ENO3: variants seen among roughly 807,000 people sequenced by gnomAD.
ENO3 encodes the protein beta-enolase.
Under a neutral mutation model 47.7 loss-of-function variants are expected in ENO3, and 46 were observed. That is an observed-to-expected ratio of 0.96 (90% CI 0.76 to 1.23). The LOEUF is 1.23. Among genes scored for constraint, ENO3 ranks in the 50% most tolerant of loss-of-function variants. The pLI is 0.00. For synonymous variants in ENO3, 223 were observed against 225.9 expected (o/e 0.99, Z 0.11); for missense variants, 575 against 566.2 (o/e 1.02, Z -0.16).
Position 4,956,001 on chromosome 17 carries a change from T to TCGGG in ENO3, c.926_929dup (p.Val311GlyfsTer10), listed in dbSNP as rs751624358. 133 of 1,614,006 alleles carry TCGGG rather than the reference T, an allele frequency of 8.2e-5. No homozygotes were observed. Among genetic ancestry groups the TCGGG allele is most frequent in the Non-Finnish European group, 1.0e-4 (123 of 1,179,986 alleles). ...CTGGGCCACTTGGACCTCCTTCCTC[T>TCGGG]CGGGGGTGAACATCCAGATTGTGGG... On this transcript the variant is annotated frameshift_variant, in exon 9 of 12. Coordinates refer to ENST00000519602, the MANE Select transcript of ENO3 (RefSeq NM_053013.4). LOFTEE classifies it high-confidence loss of function.
Position 4,955,195 on chromosome 17 carries a change from T to C in ENO3, c.565T>C (p.Tyr189His). Reference protein sequence around the residue: ...KEAMRIGAEVYHHLKGVIKAK... With the variant: ...KEAMRIGAEVHHHLKGVIKAK... ...AGCCATGCGCATTGGCGCCGAGGTC[T>C]ACCACCACCTCAAGGGGGTCATCAA... The change falls in exon 7 of 12, where the codon TAC becomes CAC. Residue 189 changes from tyrosine (Y) to histidine (H), a missense_variant. Physicochemically the swap from Tyr to His is moderately conservative, Grantham distance 83. Coordinates refer to ENST00000519602, the MANE Select transcript of ENO3 (RefSeq NM_053013.4). 1 of 1,614,224 alleles carries C rather than the reference T, an allele frequency of 6.2e-7. No individual in the cohort carries two copies. The highest frequency in any genetic ancestry group is 8.5e-7 in the Non-Finnish European group (1 of 1,180,034).
chr17:4,956,408 C>G (rs562763552), intron 9 of ENO3, 165 bp from the exon 10 acceptor site: 2 of 787,292 alleles, frequency 2.5e-6, no homozygotes, highest in East Asian at 5.2e-5. Context: ...CTCAAGAGCC[C>G]GAAATCAAGA....
At chr17:4,949,526 G>T (rs990893851), upstream of ENO3, among the ~76,000 whole-genome samples, 1 of 152,186 alleles carries the variant, frequency 6.6e-6, no homozygotes, top group African/African-American at 2.4e-5. Flanking sequence ...TTGCAAGAGT[G>T]GCAACTTTTT....
chr17:4,950,564 CGCTG>C (rs1177252064), upstream of ENO3: 1 of 985,350 alleles, frequency 1.0e-6, no homozygotes, highest in Non-Finnish European at 1.2e-6. Flanking sequence ...CTCATCCCGG[CGCTG>C]GCTGGCCTGG....
Position 4,953,839 on chromosome 17 carries a change from A to G in ENO3, c.438A>G (p.Pro146=). The G allele has an allele frequency of 1.2e-6, 2 of 1,614,088 alleles. No individual in the cohort carries two copies. The highest frequency in any genetic ancestry group is 1.7e-6 in the Non-Finnish European group (2 of 1,180,000). ...DLAGNPDLIL[P]VPAFNVINGG... ...CTGGGAACCCTGACCTCATACTCCCAGTGCCAGTGAGTGCAGCTACCCGCC... is the reference window on the plus strand; with the variant it reads ...CTGGGAACCCTGACCTCATACTCCCGGTGCCAGTGAGTGCAGCTACCCGCC... Residue 146 remains proline (P), a synonymous_variant, in exon 6 of 12, where the codon CCA becomes CCG. Coordinates refer to ENST00000519602, the MANE Select transcript of ENO3 (RefSeq NM_053013.4).
At chr17:4,949,693 C>T (rs1037895222), upstream of ENO3, among the ~76,000 whole-genome samples, 1 of 152,118 alleles carries the variant, frequency 6.6e-6, no homozygotes, top group Non-Finnish European at 1.5e-5. Context: ...GGGCGGCTTC[C>T]GGAGCCTGGG....
intron 5 of ENO3, 35 bp downstream of exon 5, chr17:4,953,376 G>T: frequency 5.6e-6 from 9 of 1,613,970 alleles, no homozygotes; most frequent in Non-Finnish European, 7.6e-6. Flanking sequence ...AAGGGATGAG[G>T]TGTGGGAGAG....
intron 1 of ENO3, chr17:4,951,613 A>G: frequency 1.8e-6 from 1 of 565,636 alleles, no homozygotes; most frequent in Non-Finnish European, 3.2e-6. Context: ...TATAGATAAG[A>G]GGCCCCTGGA....
chr17:4,950,628 G>A, upstream of ENO3: 8 of 985,558 alleles, frequency 8.1e-6, no homozygotes, highest in Non-Finnish European at 9.6e-6. Context: ...AGGACCCTAA[G>A]AGGTGAGACC....
At chr17:4,956,351 C>G in intron 9 of ENO3, 1 of 730,004 alleles carries the variant, frequency 1.4e-6, no homozygotes, top group Non-Finnish European at 2.3e-6. Context: ...CCCCCCACCC[C>G]CAGCCCACAC....
rs1168835782 is a variant in ENO3, at chr17:4,957,104, C to G, written c.*57C>G. 3.7e-6 allele frequency: 6 copies of G among 1,604,376 alleles called. No homozygotes were observed. Among genetic ancestry groups the G allele is most frequent in the Non-Finnish European group, 5.1e-6 (6 of 1,172,802 alleles). ...GACCCAGGTCTTCCAGACCTGCTTC[C>G]TGAAATAAACACTGGTGCCAACCAA... On this transcript the variant is annotated 3_prime_UTR_variant, in exon 12 of 12. Transcript: ENST00000519602.
At chr17:4,954,093 A>G (rs955537350) in intron 6 of ENO3, 1 of 609,656 alleles carries the variant, frequency 1.6e-6, no homozygotes, top group South Asian at 1.9e-5. Context: ...CCTAGGCTCG[A>G]TAACTCCAGC....
intron 1 of ENO3, among the ~76,000 whole-genome samples, chr17:4,951,517 C>T (rs1200363845): frequency 6.6e-6 from 1 of 152,072 alleles, no homozygotes; most frequent in Non-Finnish European, 1.5e-5. Context: ...GGAGAACAGA[C>T]TGCTTGACCA....
upstream of ENO3, chr17:4,950,501 C>T: frequency 3.2e-6 from 3 of 937,426 alleles, no homozygotes; most frequent in Non-Finnish European, 2.5e-6. Flanking sequence ...CGTTATCAGT[C>T]GGGCGCCTTG....
chr17:4,953,830 CAT>C lies in ENO3; in HGVS notation c.431_432del (p.Ile144ThrfsTer65). 6.2e-7 allele frequency: 1 copy of C among 1,614,198 alleles called. No homozygotes were observed. Among genetic ancestry groups the C allele is most frequent in the South Asian group, 1.1e-5 (1 of 91,082 alleles). On this transcript the variant is annotated frameshift_variant, in exon 6 of 12. Coordinates refer to ENST00000519602, the MANE Select transcript of ENO3 (RefSeq NM_053013.4). LOFTEE classifies it high-confidence loss of function. ...CAGATCTCGCTGGGAACCCTGACCT[CAT>C]ACTCCCAGTGCCAGTGAGTGCAGCT... ...IADLAGNPDL[I>X]LPVPAFNVIN...
chr17:4,951,033 G>C (rs974157754), upstream of ENO3: 7 of 986,220 alleles, frequency 7.1e-6, no homozygotes, highest in African/African-American at 1.7e-5. Flanking sequence ...CAGTGTGAAG[G>C]GGGGAGGATG....
In ENO3 at chr17:4,957,006, A is replaced by G. The variant is rs752902487; in HGVS notation, c.1264A>G (p.Ile422Val). Residue 422 changes from isoleucine (I) to valine (V), a missense_variant, in exon 12 of 12, where the codon ATC becomes GTC. Ile to Val is a conservative substitution (Grantham distance 29). Coordinates refer to ENST00000519602, the MANE Select transcript of ENO3 (RefSeq NM_053013.4). ...RIEEALGDKA[I>V]FAGRKFRNPK... Reference sequence around the variant, plus strand: ...CGAGGAGGCTCTTGGGGACAAGGCAATCTTTGCTGGACGCAAGTTCCGTAA... The same window carrying G: ...CGAGGAGGCTCTTGGGGACAAGGCAGTCTTTGCTGGACGCAAGTTCCGTAA... 1.9e-6 allele frequency: 3 copies of G among 1,614,080 alleles called. No homozygotes were observed. The highest frequency in any genetic ancestry group is 2.2e-5 in the East Asian group (1 of 44,898).
Position 4,957,045 on chromosome 17 carries a change from T to C in ENO3, c.1303T>C (p.Ter435ArgextTer20), listed in dbSNP as rs1971761883. Residue 435 changes from the stop codon to arginine, a stop_lost, in exon 12 of 12, where the codon TGA (stop) becomes CGA (arginine). Transcript: ENST00000519602. Reference sequence around the variant, plus strand: ...CAAGTTCCGTAACCCGAAGGCCAAGTGAGAAGCTGGAGGCTCCAGGACTCC... The same window carrying C: ...CAAGTTCCGTAACCCGAAGGCCAAGCGAGAAGCTGGAGGCTCCAGGACTCC... ...GRKFRNPKAK[*>R] The C allele has an allele frequency of 6.2e-7, 1 of 1,614,018 alleles. No individual in the cohort carries two copies. The highest frequency in any genetic ancestry group is 8.5e-7 in the Non-Finnish European group (1 of 1,179,998).
chr17:4,954,730 T>C (rs1252944161), intron 6 of ENO3, among the ~76,000 whole-genome samples: 2 of 151,944 alleles, frequency 1.3e-5, no homozygotes, highest in African/African-American at 4.8e-5. Flanking sequence ...CTGACCAACA[T>C]GGTGAAACCC....
Sources: gnomAD v4.1 joint callset for allele counts (sites outside exome capture counted in the v4.1 genomes callset) on GRCh38, gnomAD v4.1.1 for gene constraint, MANE v1.5 for transcripts, NCBI Gene and HGNC (gene_info 2026-07-23, HGNC 2026-07-21) for gene names.